The following VPS13B variants were observed in gnomAD, a reference collection of about 807,000 sequenced individuals.
The protein encoded by VPS13B is vacuolar protein sorting 13 homolog B.
In VPS13B, 285 loss-of-function variants were observed where a neutral mutation model predicts 426.4. That is an observed-to-expected ratio of 0.67 (90% CI 0.61 to 0.74). VPS13B has a LOEUF of 0.74. VPS13B is among the 30% of genes least tolerant of loss of function. The pLI is 0.00. For synonymous variants in VPS13B, 1,676 were observed against 1,676.4 expected, an observed-to-expected ratio of 1.00 and a Z score of 0.01; for missense variants, 4,537 against 4,782.6, an observed-to-expected ratio of 0.95 and a Z score of 1.51.
In VPS13B at chr8:99,854,000, C is replaced by T. The variant is rs779390295; in HGVS notation, c.10611C>T (p.Ser3537=). ...SRLAGHSTHL[S]GGKQVLPMQV... is the part of the protein sequence containing the mutation. ...TGGCTGGTCACTCCACACACCTCTC[C>T]GGGGGTAAACAGGTGTTGCCCATGC... Residue 3537 remains serine, a synonymous_variant, in exon 56 of 62, where the codon TCC becomes TCT. Transcript: ENST00000357162. 1.5e-5 allele frequency: 24 copies of T among 1,614,094 alleles called. No individual in the cohort carries two copies. Among genetic ancestry groups the T allele is most frequent in the African/African-American group, 1.1e-4 (8 of 74,926 alleles).
chr8:99,509,259 C>A (rs771290419), intron 28 of VPS13B, among the ~76,000 whole-genome samples: 13 of 151,988 alleles, frequency 8.6e-5, no homozygotes, highest in Non-Finnish European at 1.9e-4. Context: ...TACTATACAT[C>A]TTTTTGTTTT....
intron 3 of VPS13B, among the ~76,000 whole-genome samples, chr8:99,083,364 G>A (rs111272771): frequency 1 from 152,223 of 152,276 alleles, 76,085 homozygotes; most frequent in Middle Eastern, 1. Flanking sequence ...TGGGTGAGAC[G>A]ATGGGGTTTT....
intron 3 of VPS13B, among the ~76,000 whole-genome samples, chr8:99,052,860 GT>G (rs762624112): frequency 6.6e-6 from 1 of 152,162 alleles, no homozygotes; most frequent in Non-Finnish European, 1.5e-5. Flanking sequence ...TTGTATTTCT[GT>G]GGGATTGGTG....
intron 39 of VPS13B, among the ~76,000 whole-genome samples, chr8:99,749,175 T>A (rs1209613426): frequency 6.6e-6 from 1 of 152,046 alleles, no homozygotes; most frequent in Non-Finnish European, 1.5e-5. Flanking sequence ...CAATGCATAA[T>A]AATCACAACA....
At chr8:99,145,484 G>C (rs1053675178) in intron 13 of VPS13B, among the ~76,000 whole-genome samples, 4 of 151,338 alleles carry the variant, frequency 2.6e-5, no homozygotes, top group Non-Finnish European at 4.4e-5. Flanking sequence ...CTCTTTTCCA[G>C]GGGCTAGGGA....
chr8:99,605,707 T>A (rs555150257), intron 33 of VPS13B, among the ~76,000 whole-genome samples: 1 of 152,332 alleles, frequency 6.6e-6, no homozygotes, highest in Admixed American at 6.5e-5. Flanking sequence ...TCTCTCTATC[T>A]GTGATAATTC....
intron 27 of VPS13B, among the ~76,000 whole-genome samples, chr8:99,506,448 T>C (rs1821505376): frequency 6.6e-6 from 1 of 152,244 alleles, no homozygotes; most frequent in African/African-American, 2.4e-5. Flanking sequence ...ACTGTACCGC[T>C]AAATTTATAT....
chr8:99,505,188 CT>C (rs1821429610), intron 27 of VPS13B, among the ~76,000 whole-genome samples: 1 of 152,202 alleles, frequency 6.6e-6, no homozygotes, highest in Admixed American at 6.5e-5. Context: ...ACCACTCAGA[CT>C]TTCTGCCTAT....
chr8:99,532,327 A>C (rs903651903), intron 30 of VPS13B, among the ~76,000 whole-genome samples: 1 of 152,156 alleles, frequency 6.6e-6, no homozygotes, highest in Non-Finnish European at 1.5e-5. Context: ...CCTTTTCTCC[A>C]TAGATAATTT....
chr8:99,338,081 A>G (rs925574440), intron 19 of VPS13B, among the ~76,000 whole-genome samples: 27 of 152,290 alleles, frequency 1.8e-4, no homozygotes, highest in Admixed American at 1.6e-3. Context: ...GCCAGTTACC[A>G]TGGTCTTGTT....
chr8:99,468,211 T>C (rs1384464684), intron 24 of VPS13B, among the ~76,000 whole-genome samples: 1 of 152,158 alleles, frequency 6.6e-6, no homozygotes, highest in Non-Finnish European at 1.5e-5. Context: ...GTGTTCTCAT[T>C]GTTCAATTCC....
chr8:99,541,667 T>C (rs767479815), intron 30 of VPS13B, among the ~76,000 whole-genome samples: 7 of 152,220 alleles, frequency 4.6e-5, no homozygotes, highest in Non-Finnish European at 1.0e-4. Context: ...TAAATAAATC[T>C]ATCTCCATAC....
intron 2 of VPS13B, among the ~76,000 whole-genome samples, chr8:99,015,333 C>T (rs975356383): frequency 1.3e-5 from 2 of 151,036 alleles, no homozygotes; most frequent in East Asian, 2.0e-4. Context: ...TCTCCTGACT[C>T]AGCCTCCTGA....
At chr8:99,409,279 G>A (rs1297098916) in intron 21 of VPS13B, among the ~76,000 whole-genome samples, 1 of 152,126 alleles carries the variant, frequency 6.6e-6, no homozygotes, top group Non-Finnish European at 1.5e-5. Context: ...GAGAATCTGG[G>A]TGATGAGGGG....
intron 3 of VPS13B, among the ~76,000 whole-genome samples, chr8:99,041,131 C>T (rs1040783785): frequency 2.0e-5 from 3 of 151,876 alleles, no homozygotes; most frequent in Non-Finnish European, 4.4e-5. Context: ...ACAGGGTGAC[C>T]GAATTGTTGT....
In VPS13B at chr8:99,038,471, A is replaced by G; in HGVS notation, c.196A>G (p.Arg66Gly). 2 of 1,609,162 alleles carry G rather than the reference A, an allele frequency of 1.2e-6. No individual in the cohort carries two copies. Among genetic ancestry groups the G allele is most frequent in the Non-Finnish European group, 1.7e-6 (2 of 1,176,782 alleles). Residue 66 changes from arginine (R) to glycine (G), a missense_variant, in exon 3 of 62, where the codon AGG (arginine) becomes GGG (glycine). This residue lies in a region of VPS13B where 226 missense variants were observed against 308.3 expected (regional missense o/e 0.73). Coordinates refer to ENST00000357162, the MANE Select transcript of VPS13B (RefSeq NM_152564.5). ...TFLSGHIHELRIHVPWTKLGS... is the reference protein window; with the variant it reads ...TFLSGHIHELGIHVPWTKLGS... Reference sequence around the variant, plus strand: ...TTTAAGTGGACATATTCATGAATTGAGGATTCATGTACCATGGACAAAACT... The same window carrying G: ...TTTAAGTGGACATATTCATGAATTGGGGATTCATGTACCATGGACAAAACT...
intron 34 of VPS13B, among the ~76,000 whole-genome samples, chr8:99,646,774 T>A (rs1478145824): frequency 6.6e-6 from 1 of 152,062 alleles, no homozygotes; most frequent in Non-Finnish European, 1.5e-5. Flanking sequence ...TCTGGGTTCA[T>A]GAAAGTTGTG....
chr8:99,788,575 AT>A (rs1424045758), intron 43 of VPS13B, among the ~76,000 whole-genome samples: 2 of 152,108 alleles, frequency 1.3e-5, no homozygotes, highest in Non-Finnish European at 2.9e-5. Context: ...AGCTTTCAGG[AT>A]TTACAGTTTG....
chr8:99,535,173 A>G (rs1451119956), intron 30 of VPS13B, among the ~76,000 whole-genome samples: 1 of 152,236 alleles, frequency 6.6e-6, no homozygotes, highest in Non-Finnish European at 1.5e-5. Context: ...ACATTGTATA[A>G]GAGCACTGCT....
Sources: allele counts gnomAD v4.1 joint callset (sites outside exome capture counted in the v4.1 genomes callset), GRCh38; gene constraint gnomAD v4.1.1; regional missense constraint gnomAD v4.1.1; transcripts MANE v1.5; gene names NCBI Gene and HGNC (gene_info 2026-07-23, HGNC 2026-07-21).